The following SLC25A26 variants were observed in gnomAD, a reference collection of about 807,000 sequenced individuals.
The protein encoded by SLC25A26 is mitochondrial S-adenosylmethionine carrier protein.
SLC25A26 carries 36 observed loss-of-function variants against 37.8 expected under a neutral mutation model. The ratio of observed to expected loss-of-function variants is 0.95; its 90% confidence interval spans 0.73 to 1.26. The LOEUF is 1.26. Among genes scored for constraint, SLC25A26 ranks in the 50% most tolerant of loss-of-function variants. The pLI is 0.00. For missense variants in SLC25A26, 390 were observed against 331.1 expected, an observed-to-expected ratio of 1.18 and a Z score of -1.38; for synonymous variants, 129 against 122.5, an observed-to-expected ratio of 1.05 and a Z score of -0.35.
chr3:66,281,996 ATTTTTTTT>A (rs71105977), intron 5 of SLC25A26, among the ~76,000 whole-genome samples: 4 of 64,510 alleles, frequency 6.2e-5, no homozygotes, highest in South Asian at 9.1e-4. Flanking sequence ...CTGATTTTGC[ATTTTTTTT>A]TTTTTTTTTT....
intron 1 of SLC25A26, among the ~76,000 whole-genome samples, chr3:66,188,072 A>T (rs2106781419): frequency 6.6e-6 from 1 of 152,168 alleles, no homozygotes; most frequent in African/African-American, 2.4e-5. Context: ...CTCAGCTAAC[A>T]CTGAACGTCA....
Position 66,321,009 on chromosome 3 carries a change from G to A in SLC25A26, c.454-25355G>A, listed in dbSNP as rs547869691. On this transcript the variant is annotated intron_variant, in intron 5 of 9. Coordinates refer to ENST00000354883, the MANE Select transcript of SLC25A26 (RefSeq NM_001379210.1). The stretch of plus-strand genomic sequence containing the variant: ...TGGTATTAGGAGGTGTATGGCCTTT[G>A]GAAGGTGAATTAGGTCATGGGGGTG... Among the ~76,000 whole-genome samples, 192 of 152,162 alleles carry A rather than the reference G, an allele frequency of 1.3e-3. 4 individuals are homozygous for A. The highest frequency in any genetic ancestry group is 4.6e-3 in the African/African-American group (189 of 41,512).
intron 5 of SLC25A26, among the ~76,000 whole-genome samples, chr3:66,304,120 T>C (rs138752063): frequency 3.5e-4 from 54 of 152,350 alleles, no homozygotes; most frequent in African/African-American, 1.2e-3. Context: ...TCCACGATAA[T>C]TTCCCTCTTG....
Position 66,262,136 on chromosome 3 carries a change from C to CT in SLC25A26, c.387dup (p.Asn130Ter). ...TCTACAAGAACATTTCAGATTTTCT[C>CT]TAACATCTTATATGAAGAGGTGAGA... On this transcript the variant is annotated frameshift_variant, in exon 4 of 10. Transcript: ENST00000354883. LOFTEE classifies it high-confidence loss of function. The CT allele has an allele frequency of 6.4e-7, 1 of 1,560,462 alleles. No individual in the cohort carries two copies. The highest frequency in any genetic ancestry group is 1.4e-5 in the African/African-American group (1 of 73,786).
At chr3:66,182,488 A>G (rs1206275419) in intron 1 of SLC25A26, among the ~76,000 whole-genome samples, 1 of 152,136 alleles carries the variant, frequency 6.6e-6, no homozygotes, top group African/African-American at 2.4e-5. Context: ...TAGGGATTTG[A>G]ATCTAAAAAG....
At chr3:66,291,496 A>C (rs1170245483) in intron 5 of SLC25A26, among the ~76,000 whole-genome samples, 3 of 152,152 alleles carry the variant, frequency 2.0e-5, no homozygotes, top group Non-Finnish European at 4.4e-5. Context: ...AGATTCCGGT[A>C]CGTTGTGTAT....
At chr3:66,308,508 G>T (rs1172677500) in intron 5 of SLC25A26, among the ~76,000 whole-genome samples, 1 of 152,156 alleles carries the variant, frequency 6.6e-6, no homozygotes, top group Non-Finnish European at 1.5e-5. Context: ...TCTCTTGCCT[G>T]ATTGCCCTGG....
chr3:66,251,398 C>T (rs374279227), intron 3 of SLC25A26, among the ~76,000 whole-genome samples: 2 of 152,114 alleles, frequency 1.3e-5, no homozygotes, highest in African/African-American at 2.4e-5. Flanking sequence ...GCCCTTCCAG[C>T]GACATCCTTC....
intron 1 of SLC25A26, among the ~76,000 whole-genome samples, chr3:66,211,410 A>G (rs1259696659): frequency 6.6e-6 from 1 of 152,222 alleles, no homozygotes; most frequent in African/African-American, 2.4e-5. Context: ...AGTGGCACGT[A>G]ATCGTGAGGG....
chr3:66,208,351 G>C (rs1025383967), intron 1 of SLC25A26, among the ~76,000 whole-genome samples: 2 of 151,984 alleles, frequency 1.3e-5, no homozygotes. Flanking sequence ...ATGTCTCTGA[G>C]AGAACCTTTT....
intron 6 of SLC25A26, among the ~76,000 whole-genome samples, chr3:66,361,880 T>C (rs1409127567): frequency 6.6e-6 from 1 of 151,830 alleles, no homozygotes; most frequent in East Asian, 1.9e-4. Flanking sequence ...GGCAGGAGAA[T>C]CATATGAACC....
intron 3 of SLC25A26, among the ~76,000 whole-genome samples, chr3:66,244,117 A>G (rs941354732): frequency 6.6e-6 from 1 of 152,144 alleles, no homozygotes; most frequent in Non-Finnish European, 1.5e-5. Context: ...TACTGGTCAA[A>G]TCTCTATAAT....
At chr3:66,146,339 CA>C (rs749935106) in intron 1 of SLC25A26, among the ~76,000 whole-genome samples, 1,340 of 110,920 alleles carry the variant, frequency 0.012, 16 homozygotes, top group African/African-American at 0.034. Context: ...GATTCAGTCT[CA>C]AAAAAAAAAA....
chr3:66,340,503 G>A (rs1017172989), intron 5 of SLC25A26, among the ~76,000 whole-genome samples: 6 of 152,048 alleles, frequency 3.9e-5, no homozygotes, highest in Middle Eastern at 3.4e-3. Context: ...CGGACCACCC[G>A]TTCTCACACG....
intron 6 of SLC25A26, among the ~76,000 whole-genome samples, chr3:66,350,731 C>T (rs1027915577): frequency 1.3e-5 from 2 of 152,090 alleles, no homozygotes; most frequent in Non-Finnish European, 2.9e-5. Context: ...CGCGTGCGCG[C>T]ACACCCACAC....
At chr3:66,208,622 GAT>G (rs1421193740) in intron 1 of SLC25A26, among the ~76,000 whole-genome samples, 3 of 108,706 alleles carry the variant, frequency 2.8e-5, no homozygotes, top group Non-Finnish European at 3.9e-5. Flanking sequence ...AAAGTATATA[GAT>G]ATATATATAA....
chr3:66,210,818 C>T (rs1338940287), intron 1 of SLC25A26, among the ~76,000 whole-genome samples: 1 of 152,108 alleles, frequency 6.6e-6, no homozygotes, highest in Non-Finnish European at 1.5e-5. Flanking sequence ...CCGGCCTCGA[C>T]TCATCTGAGT....
At chr3:66,209,894 C>CTCTATATATATATA (rs1553656243) in intron 1 of SLC25A26, among the ~76,000 whole-genome samples, 1 of 13,192 alleles carries the variant, frequency 7.6e-5, no homozygotes, top group African/African-American at 2.0e-4. Flanking sequence ...CTCTCTCTCT[C>CTCTATATATATATA]TATTTATATA....
intron 1 of SLC25A26, among the ~76,000 whole-genome samples, chr3:66,187,169 C>G (rs2070845077): frequency 6.6e-6 from 1 of 151,554 alleles, no homozygotes; most frequent in African/African-American, 2.4e-5. Flanking sequence ...GCATCTTGAC[C>G]TTGACCCTGA....
Sources: allele counts gnomAD v4.1 joint callset (sites outside exome capture counted in the v4.1 genomes callset), GRCh38; gene constraint gnomAD v4.1.1; transcripts MANE v1.5; gene names NCBI Gene and HGNC (gene_info 2026-07-23, HGNC 2026-07-21).